DIAPH2: variants seen among roughly 807,000 people sequenced by gnomAD.
DIAPH2 encodes the protein diaphanous related formin 2, also known as protein diaphanous homolog 2.
In DIAPH2, 35 loss-of-function variants were observed where a neutral mutation model predicts 92.7. That is an observed-to-expected ratio of 0.38 (90% CI 0.29 to 0.50). The LOEUF (loss-of-function observed/expected upper bound fraction) is 0.50, where lower values mean the gene tolerates loss of function less well. Ranked by LOEUF, DIAPH2 falls within the 20% of genes least tolerant of loss-of-function variation. The pLI is 0.94. For synonymous variants in DIAPH2, 301 were observed against 280.4 expected (o/e 1.07, Z -0.73); for missense variants, 701 against 819.5 (o/e 0.86, Z 1.77).
At chrX:97,017,316 T>C (rs770365303) in intron 17 of DIAPH2, among the ~76,000 whole-genome samples, 38 of 111,808 alleles carry the variant, frequency 3.4e-4, no homozygotes, top group African/African-American at 1.2e-3. Context: ...TTCTCCTTTG[T>C]TTGATGGTAG....
chrX:97,019,166 T>G (rs1286890163), intron 17 of DIAPH2, among the ~76,000 whole-genome samples: 1 of 112,065 alleles, frequency 8.9e-6, no homozygotes, highest in African/African-American at 3.2e-5. Flanking sequence ...AAAGCTGCCA[T>G]AACCGTTTGT....
intron 4 of DIAPH2, among the ~76,000 whole-genome samples, chrX:96,818,652 C>A (rs998075000): frequency 8.9e-6 from 1 of 112,309 alleles, no homozygotes; most frequent in Non-Finnish European, 1.9e-5. Flanking sequence ...TTGGACATAT[C>A]CATAAGAAAG....
At chrX:97,059,495 G>A (rs1440540816) in intron 17 of DIAPH2, among the ~76,000 whole-genome samples, 4 of 110,740 alleles carry the variant, frequency 3.6e-5, no homozygotes, top group Non-Finnish European at 5.7e-5. Flanking sequence ...CCGACCGCCC[G>A]CCATGCAGTT....
chrX:97,291,082 C>A (rs141059101), intron 23 of DIAPH2, among the ~76,000 whole-genome samples: 1,548 of 105,454 alleles, frequency 0.015, 10 homozygotes, highest in Non-Finnish European at 0.023. Flanking sequence ...CAGAGCCAGG[C>A]TCTGTCAAAA....
At chrX:96,921,693 T>A (rs1202009988) in intron 9 of DIAPH2, among the ~76,000 whole-genome samples, 2 of 89,677 alleles carry the variant, frequency 2.2e-5, no homozygotes, top group Non-Finnish European at 4.6e-5. Flanking sequence ...TCTCTACCTT[T>A]ATGGTTTTTT....
At chrX:97,496,721 A>G (rs1175468615) in intron 26 of DIAPH2, among the ~76,000 whole-genome samples, 1 of 87,609 alleles carries the variant, frequency 1.1e-5, no homozygotes, top group African/African-American at 4.5e-5. Context: ...GTGCCATAGC[A>G]CTCACCATGT....
intron 22 of DIAPH2, among the ~76,000 whole-genome samples, chrX:97,223,663 T>C (rs947664986): frequency 1.8e-4 from 20 of 111,642 alleles, no homozygotes; most frequent in Non-Finnish European, 3.8e-4. Context: ...GCAATTGATA[T>C]TTAATAAACA....
chrX:97,598,471 G>A (rs1339203292), intron 26 of DIAPH2, among the ~76,000 whole-genome samples: 2 of 111,943 alleles, frequency 1.8e-5, no homozygotes, highest in Admixed American at 9.5e-5. Flanking sequence ...TTGTCAGAAA[G>A]GGATTTTCAC....
At chrX:97,112,761 CTTTCTTTT>C (rs756017255) in intron 20 of DIAPH2, among the ~76,000 whole-genome samples, 1,742 of 67,049 alleles carry the variant, frequency 0.026, 34 homozygotes, top group Middle Eastern at 0.043. Flanking sequence ...CTTTCCCTTT[CTTTCTTTT>C]TTTTTTTTTT....
intron 9 of DIAPH2, among the ~76,000 whole-genome samples, chrX:96,927,437 G>C (rs1290751816): frequency 9.1e-6 from 1 of 109,828 alleles, no homozygotes; most frequent in African/African-American, 3.3e-5. Context: ...GTTCTTTGAA[G>C]TGAAGGTTTC....
intron 26 of DIAPH2, among the ~76,000 whole-genome samples, chrX:97,524,364 T>C (rs2071010890): frequency 8.9e-6 from 1 of 112,441 alleles, no homozygotes; most frequent in Non-Finnish European, 1.9e-5. Flanking sequence ...GTTACCATTA[T>C]CTTCATTTGG....
chrX:96,704,971 GTT>G (rs397896760), intron 1 of DIAPH2, among the ~76,000 whole-genome samples: 8 of 84,553 alleles, frequency 9.5e-5, no homozygotes, highest in African/African-American at 9.1e-5. Context: ...AAAACAGAGG[GTT>G]TTTTTTTTTT....
intron 26 of DIAPH2, among the ~76,000 whole-genome samples, chrX:97,498,145 ATTC>A (rs2070772261): frequency 9.0e-6 from 1 of 110,999 alleles, no homozygotes; most frequent in Non-Finnish European, 1.9e-5. Flanking sequence ...TAATCCTTCT[ATTC>A]TTATGATTTG....
chrX:97,108,997 A>T (rs754551387), intron 20 of DIAPH2, among the ~76,000 whole-genome samples: 1 of 111,852 alleles, frequency 8.9e-6, no homozygotes, highest in East Asian at 2.8e-4. Flanking sequence ...GTCAGTTACT[A>T]TGACAGGAGT....
chrX:97,272,066 T>A (rs1266337205), intron 23 of DIAPH2, among the ~76,000 whole-genome samples: 1 of 110,563 alleles, frequency 9.0e-6, no homozygotes, highest in African/African-American at 3.3e-5. Flanking sequence ...TGGCATGATC[T>A]TGGCTCACTG....
At chrX:97,147,146 A>G (rs921842881) in intron 22 of DIAPH2, among the ~76,000 whole-genome samples, 1 of 111,447 alleles carries the variant, frequency 9.0e-6, no homozygotes, top group Non-Finnish European at 1.9e-5. Context: ...AGCAAATTGT[A>G]TAATGTAACT....
chrX:97,457,488 A>G (rs2070417928), intron 26 of DIAPH2, among the ~76,000 whole-genome samples: 3 of 112,385 alleles, frequency 2.7e-5, no homozygotes, highest in African/African-American at 9.7e-5. Flanking sequence ...AAAACTACAA[A>G]TGTTTATTAT....
Position 97,221,672 on chromosome X carries a change from A to G in DIAPH2, c.2720-26043A>G, listed in dbSNP as rs539322132. ...ACTCAGAAGTAACTCTGCTGTACAT[A>G]AAAATAGTTGATTCAATAGAGAAGT... is the stretch of plus-strand genomic sequence containing the variant. On this transcript the variant is annotated intron_variant, in intron 22 of 26. Coordinates refer to ENST00000324765, the MANE Select transcript of DIAPH2 (RefSeq NM_006729.5). Among the ~76,000 whole-genome samples the G allele has an allele frequency of 6.3e-5, 7 of 111,872 alleles. No individual in the cohort carries two copies. The South Asian group carries it at 2.6e-3, about 41-fold the overall frequency.
chrX:97,004,336 G>T (rs1189374690), intron 17 of DIAPH2, among the ~76,000 whole-genome samples: 1 of 111,579 alleles, frequency 9.0e-6, no homozygotes, highest in Non-Finnish European at 1.9e-5. Flanking sequence ...GTCTATATTT[G>T]TGAAGAATGT....
Sources: gnomAD v4.1 joint callset for allele counts (sites outside exome capture counted in the v4.1 genomes callset) on GRCh38, gnomAD v4.1.1 for gene constraint, MANE v1.5 for transcripts, NCBI Gene and HGNC (gene_info 2026-07-23, HGNC 2026-07-21) for gene names.